Variants in KANK1 observed in about 807,000 individuals in gnomAD.
KANK1 encodes the protein KN motif and ankyrin repeat domain-containing protein 1.
A neutral mutation model predicts 106.2 loss-of-function variants in KANK1; 109 were observed. The ratio of observed to expected loss-of-function variants is 1.03; its 90% CI spans 0.88 to 1.20. KANK1 has a LOEUF of 1.20. Among genes scored for constraint, KANK1 ranks in the 50% most tolerant of loss-of-function variants. The probability of loss-of-function intolerance (pLI) is 0.00; values close to 1 mark genes in which losing one functional copy is unlikely to be tolerated. For synonymous variants in KANK1, 873 were observed against 652.2 expected (o/e 1.34, Z -5.16); for missense variants, 2,399 against 1,710.7 (o/e 1.40, Z -7.10).
At chr9:610,495 C>G (rs2136125785) in intron 1 of KANK1, among the ~76,000 whole-genome samples, 1 of 152,268 alleles carries the variant, frequency 6.6e-6, no homozygotes, top group Non-Finnish European at 1.5e-5. Flanking sequence ...TGACAGTTCC[C>G]TCTGTGGATA....
At chr9:580,129 A>G (rs1018953989) in intron 1 of KANK1, among the ~76,000 whole-genome samples, 4 of 152,062 alleles carry the variant, frequency 2.6e-5, no homozygotes, top group African/African-American at 9.7e-5. Context: ...TCGTGGTCTC[A>G]CTGGCTTCAG....
At chr9:572,735 A>G (rs994783520) in intron 1 of KANK1, among the ~76,000 whole-genome samples, 9 of 152,058 alleles carry the variant, frequency 5.9e-5, no homozygotes, top group African/African-American at 2.2e-4. Context: ...GTTAAGCAGA[A>G]ATTTCTAAAG....
chr9:604,714 C>A (rs1235009375), intron 1 of KANK1, among the ~76,000 whole-genome samples: 1 of 151,754 alleles, frequency 6.6e-6, no homozygotes, highest in Admixed American at 6.6e-5. Flanking sequence ...CCTGTAATCT[C>A]AGCTGTTCGG....
intron 2 of KANK1, among the ~76,000 whole-genome samples, chr9:684,964 T>C (rs1818267958): frequency 6.6e-6 from 1 of 152,124 alleles, no homozygotes; most frequent in African/African-American, 2.4e-5. Flanking sequence ...AGGAGACCCA[T>C]CCAGGAAATC....
At position 508,121 on chromosome 9, in the gene KANK1, C is replaced by CTTT. The variant is rs71314711; in HGVS notation, c.-84+3399_-84+3401dup. ...ACAGGTGTGAGACACCCTGCTCAGC[C>CTTT]TTTTTTTTTTTTTTTTTTTTTTTTT... On this transcript the variant is annotated intron_variant, in intron 1 of 11. Transcript: ENST00000382297. 4.1e-3 allele frequency among the ~76,000 whole-genome samples: 159 copies of CTTT among 39,184 alleles called. 9 individuals are homozygous for CTTT. The highest frequency in any genetic ancestry group is 6.1e-3 in the Non-Finnish European group (111 of 18,308). 25.7% of individuals were successfully genotyped at this position (39,184 alleles called of 152,430 possible).
At chr9:628,528 A>T (rs116769273) in intron 1 of KANK1, among the ~76,000 whole-genome samples, 2,115 of 152,260 alleles carry the variant, frequency 0.014, 57 homozygotes, top group African/African-American at 0.048. Context: ...TCTGCTCGTC[A>T]CTTGAGGTGC....
At chr9:599,207 G>A (rs1209974104) in intron 1 of KANK1, among the ~76,000 whole-genome samples, 1 of 148,748 alleles carries the variant, frequency 6.7e-6, no homozygotes, top group Non-Finnish European at 1.5e-5. Flanking sequence ...TAGTAGAGAC[G>A]GGGTTTTTCC....
chr9:635,308 C>T (rs914558147), intron 1 of KANK1, among the ~76,000 whole-genome samples: 1 of 152,158 alleles, frequency 6.6e-6, no homozygotes, highest in African/African-American at 2.4e-5. Flanking sequence ...CTCCATGGAA[C>T]TTTCCTTGCG....
intron 2 of KANK1, among the ~76,000 whole-genome samples, chr9:695,638 G>C (rs1203763930): frequency 6.6e-6 from 1 of 151,758 alleles, no homozygotes; most frequent in East Asian, 1.9e-4. Context: ...AGAGGAGGAA[G>C]GGTTCTGGAT....
rs139983081 is a variant in KANK1, at chr9:711,327, T to C, written c.561T>C (p.Phe187=). 5.9e-4 allele frequency: 953 copies of C among 1,614,180 alleles called. No homozygotes were observed. Among genetic ancestry groups the C allele is most frequent in the Non-Finnish European group, 7.8e-4 (919 of 1,180,044 alleles). ...TCAGAAGGCCCAGGCTGGCCAGTTT[T>C]GGAGGCATGGGCACCACAAGCTCCC... ...GEFRRPRLAS[F]GGMGTTSSLP... Residue 187 remains phenylalanine (F), a synonymous_variant, in exon 3 of 12, where the codon TTT becomes TTC. Transcript: ENST00000382297.
chr9:483,493 C>T (rs1313640795), intron 3 of KANK1, among the ~76,000 whole-genome samples: 1 of 152,122 alleles, frequency 6.6e-6, no homozygotes, highest in African/African-American at 2.4e-5. Flanking sequence ...TTTCTGTTAC[C>T]ATAGGCCAGC....
chr9:512,018 C>G (rs913050005), intron 1 of KANK1, among the ~76,000 whole-genome samples: 1 of 144,228 alleles, frequency 6.9e-6, no homozygotes. Context: ...AGGCTTTGCT[C>G]CCATGACTAT....
At chr9:549,152 T>G (rs1174025064) in intron 1 of KANK1, 1 of 152,116 alleles carries the variant, frequency 6.6e-6, no homozygotes, top group African/African-American at 2.4e-5. Flanking sequence ...CTTTTCACCT[T>G]CTCTGATTTT....
chr9:479,417 T>C (rs1337926800), intron 3 of KANK1, among the ~76,000 whole-genome samples: 2 of 152,230 alleles, frequency 1.3e-5, no homozygotes, highest in African/African-American at 2.4e-5. Context: ...TCTTCACTGC[T>C]CATTCTTCCT....
intron 1 of KANK1, chr9:660,020 C>G (rs1163733195): frequency 3.1e-6 from 1 of 317,686 alleles, no homozygotes; most frequent in Non-Finnish European, 6.3e-6. Context: ...TCTTTCCACC[C>G]CTTTGCTGAT....
At chr9:553,413 C>G (rs1248591299) in intron 1 of KANK1, among the ~76,000 whole-genome samples, 2 of 152,080 alleles carry the variant, frequency 1.3e-5, no homozygotes, top group Admixed American at 1.3e-4. Context: ...TTTTATTAAA[C>G]ATTTGGGGAA....
chr9:651,039 A>G (rs16921826), intron 1 of KANK1, among the ~76,000 whole-genome samples: 1,972 of 152,294 alleles, frequency 0.013, 44 homozygotes, highest in African/African-American at 0.045. Flanking sequence ...TTGTGTGACT[A>G]TATTCTGGCT....
intron 1 of KANK1, among the ~76,000 whole-genome samples, chr9:632,925 C>T (rs1194690710): frequency 6.6e-6 from 1 of 152,090 alleles, no homozygotes; most frequent in African/African-American, 2.4e-5. Context: ...AACTCCTGAC[C>T]TCAGGTGATC....
At chr9:548,269 T>A (rs1483820062) in intron 1 of KANK1, among the ~76,000 whole-genome samples, 1 of 152,220 alleles carries the variant, frequency 6.6e-6, no homozygotes, top group Non-Finnish European at 1.5e-5. Flanking sequence ...CAAAAGATTT[T>A]TCTCACTTCA....
Sources: allele counts gnomAD v4.1 joint callset (sites outside exome capture counted in the v4.1 genomes callset), GRCh38; gene constraint gnomAD v4.1.1; transcripts MANE v1.5; gene names NCBI Gene and HGNC (gene_info 2026-07-23, HGNC 2026-07-21).